Variants in TGFB3 observed in about 807,000 individuals in gnomAD.
The protein encoded by TGFB3 is transforming growth factor beta-3 proprotein.
TGFB3 carries 5 observed loss-of-function variants against 40.1 expected under a neutral mutation model. That is an observed-to-expected ratio of 0.12 (90% CI 0.07 to 0.26). The LOEUF is 0.26. TGFB3 is among the 10% of genes least tolerant of loss of function. The pLI, the probability that TGFB3 is intolerant of heterozygous loss-of-function variation, is 1.00. For synonymous variants in TGFB3, 184 were observed against 205.6 expected, an observed-to-expected ratio of 0.89 and a Z score of 0.90; for missense variants, 373 against 530.1, an observed-to-expected ratio of 0.70 and a Z score of 2.91.
chr14:75,968,642 C>G (rs2035250350), intron 3 of TGFB3, among the ~76,000 whole-genome samples: 1 of 152,176 alleles, frequency 6.6e-6, no homozygotes, highest in African/African-American at 2.4e-5. Context: ...GTCAGAATTC[C>G]CAACAGAGCT....
chr14:75,979,503 T>C lies in TGFB3; in HGVS notation c.352+1039A>G, dbSNP rs113024377. ...GTCTACGGCCCACGAGTGGCTCACA[T>C]TCCTCTTTCCTGGGCTGTCAGTTTC... is the stretch of plus-strand genomic sequence containing the variant. On this transcript the variant is annotated intron_variant, in intron 1 of 6. Coordinates refer to ENST00000238682, the MANE Select transcript of TGFB3 (RefSeq NM_003239.5). The surrounding 1 kb of genome is among the most constrained non-coding windows in gnomAD (Gnocchi z 4.8). Among the ~76,000 whole-genome samples the C allele has an allele frequency of 7.3e-4, 111 of 152,224 alleles. No individual in the cohort carries two copies. The highest frequency in any genetic ancestry group is 1.3e-3 in the Non-Finnish European group (86 of 68,002).
chr14:75,980,468 GC>G lies in TGFB3; in HGVS notation c.352+73del, dbSNP rs1280679135. 1 of 1,469,256 alleles carries G rather than the reference GC, an allele frequency of 6.8e-7. No homozygotes were observed. The allele number at this position is 1,469,256 out of a possible 1,614,324, so 91.0% of individuals were successfully genotyped here. A position where few individuals can be genotyped will look rare whatever the true frequency, so the allele number is the denominator to read the frequency against. Reference sequence around the variant, plus strand: ...CACCCTGCTGTGTGGCCAGCACTAGGCCCCCCTCTGCAGAGCTCCCAGCTCC... The same window carrying G: ...CACCCTGCTGTGTGGCCAGCACTAGGCCCCCTCTGCAGAGCTCCCAGCTCC... On this transcript the variant is annotated intron_variant, in intron 1 of 6. Transcript: ENST00000238682. The surrounding 1 kb of genome is among the most constrained non-coding windows in gnomAD (Gnocchi z 4.3).
intron 1 of TGFB3, among the ~76,000 whole-genome samples, chr14:75,974,845 C>T (rs2035334541): frequency 6.6e-6 from 1 of 151,490 alleles, no homozygotes; most frequent in Admixed American, 6.6e-5. Context: ...CCAGCCAGCA[C>T]CTTGGGAGGC....
intron 5 of TGFB3, among the ~76,000 whole-genome samples, chr14:75,961,919 A>G (rs188928942): frequency 4.9e-4 from 75 of 152,326 alleles, no homozygotes; most frequent in African/African-American, 1.7e-3. Flanking sequence ...CCCATCAGAC[A>G]AGGAGAAGTA....
intron 3 of TGFB3, among the ~76,000 whole-genome samples, chr14:75,970,356 G>A (rs1314120664): frequency 6.6e-6 from 1 of 151,912 alleles, no homozygotes; most frequent in Non-Finnish European, 1.5e-5. Context: ...TCAGGAGTTC[G>A]AGACCAGCCT....
In TGFB3 at chr14:75,971,209, C is replaced by G. The variant is rs1171935854; in HGVS notation, c.563G>C (p.Gly188Ala). The G allele has an allele frequency of 6.2e-7, 1 of 1,614,198 alleles. No homozygotes were observed. The highest frequency in any genetic ancestry group is 2.2e-5 in the East Asian group (1 of 44,884). ...EHIAKQRYIG[G>A]KNLPTRGTAE... ...AGTGCCCCGTGTGGGCAGATTCTTG[C>G]CACCGATATAGCGCTGTTTGGCAAT... Residue 188 changes from glycine to alanine, a missense_variant, in exon 3 of 7, where the codon GGC becomes GCC. Gly to Ala is a moderately conservative substitution (Grantham distance 60, BLOSUM62 0). Coordinates refer to ENST00000238682, the MANE Select transcript of TGFB3 (RefSeq NM_003239.5). The surrounding 1 kb of genome is among the most constrained non-coding windows in gnomAD (Gnocchi z 4.5).
chr14:75,960,132 CAG>C (rs1242149875), intron 6 of TGFB3: 1 of 152,024 alleles, frequency 6.6e-6, no homozygotes, highest in Non-Finnish European at 1.5e-5. Flanking sequence ...TTGGTAGAGA[CAG>C]GGTTTCACCA....
At position 75,971,066 on chromosome 14, in the gene TGFB3, C is replaced by A. The variant is rs200181092; in HGVS notation, c.646+60G>T. On this transcript the variant is annotated intron_variant, in intron 3 of 6. Coordinates refer to ENST00000238682, the MANE Select transcript of TGFB3 (RefSeq NM_003239.5). The surrounding 1 kb of genome is among the most constrained non-coding windows in gnomAD (Gnocchi z 4.5). The stretch of plus-strand genomic sequence containing the variant: ...TAATTCTGTCCTCTTCCCTCCATTT[C>A]ATGGAGGACTAAGGGACCTGAGGTT... 107 of 1,604,688 alleles carry A rather than the reference C, an allele frequency of 6.7e-5. No homozygotes were observed. The East Asian group carries it at 2.3e-3, about 35-fold the overall frequency.
Position 75,971,546 on chromosome 14 carries a change from A to G in TGFB3, c.516+9T>C, listed in dbSNP as rs2140245664. The G allele has an allele frequency of 6.2e-7, 1 of 1,614,038 alleles. No homozygotes were observed. The highest frequency in any genetic ancestry group is 8.5e-7 in the Non-Finnish European group (1 of 1,179,980). On this transcript the variant is annotated intron_variant, in intron 2 of 6. Transcript: ENST00000238682. This position sits in a 1 kb window ranked among gnomAD's most constrained non-coding sequence, Gnocchi z 4.5. Reference sequence around the variant, plus strand: ...GTCGGTGTGGTTTCTGCTCTGAGAGAGGAGTTACCTGGAAGAGCTCGATCC... The same window carrying G: ...GTCGGTGTGGTTTCTGCTCTGAGAGGGGAGTTACCTGGAAGAGCTCGATCC...
rs917254206 is a variant in TGFB3, at chr14:75,981,956, CCTCT to C, written c.-1067_-1064del. 5.3e-5 allele frequency among the ~76,000 whole-genome samples: 8 copies of C among 151,372 alleles called. No homozygotes were observed. Among genetic ancestry groups the C allele is most frequent in the African/African-American group, 1.5e-4 (6 of 41,152 alleles). On this transcript the variant is annotated 5_prime_UTR_variant, in exon 1 of 7. An upstream open reading frame in the 5' UTR gains an earlier in-frame stop. Coordinates refer to ENST00000238682, the MANE Select transcript of TGFB3 (RefSeq NM_003239.5). This position sits in a 1 kb window ranked among gnomAD's most constrained non-coding sequence, Gnocchi z 4.7. ...TCTCCCTCTCCCTCTCGCTCCTCTC[CCTCT>C]CTCTCTCACACACACACACATGCAC...
In TGFB3 at chr14:75,981,552, T is replaced by TTTTG. The variant is rs1022782490; in HGVS notation, c.-663_-660dup. On this transcript the variant is annotated 5_prime_UTR_variant, in exon 1 of 7. Transcript: ENST00000238682. The surrounding 1 kb of genome is among the most constrained non-coding windows in gnomAD (Gnocchi z 4.7). Reference sequence around the variant, plus strand: ...TCAGGCACTCCATTCATGCTTTCTCTTTTGTTTACACTTCCTCGGGGGCTT... The same window carrying TTTTG: ...TCAGGCACTCCATTCATGCTTTCTCTTTTGTTTGTTTACACTTCCTCGGGGGCTT... The TTTTG allele has an allele frequency of 3.2e-5, 5 of 156,776 alleles. No homozygotes were observed. The highest frequency in any genetic ancestry group is 4.8e-5 in the African/African-American group (2 of 41,460). 9.7% of individuals were successfully genotyped at this position (156,776 alleles called of 1,614,324 possible). A position where few individuals can be genotyped will look rare whatever the true frequency, so the allele number is the denominator to read the frequency against.
Position 75,959,305 on chromosome 14 carries a change from G to T in TGFB3, c.1121C>A (p.Ala374Asp). Residue 374 changes from alanine to aspartate, a missense_variant, in exon 7 of 7, where the codon GCC (alanine) becomes GAC (aspartate). Transcript: ENST00000238682. ...GTCCTGGGGCACGCAGCAAGGCGAG[G>T]CAGATGCTTCAGGGTTCAGAGTGTT... Reference protein sequence around the residue: ...LYNTLNPEASASPCCVPQDLE... With the variant: ...LYNTLNPEASDSPCCVPQDLE... The T allele has an allele frequency of 6.2e-7, 1 of 1,614,186 alleles. No individual in the cohort carries two copies. Among genetic ancestry groups the T allele is most frequent in the Non-Finnish European group, 8.5e-7 (1 of 1,180,026 alleles).
chr14:75,982,547 G>C (rs1594793599), upstream of TGFB3, among the ~76,000 whole-genome samples: 1 of 152,204 alleles, frequency 6.6e-6, no homozygotes, highest in Non-Finnish European at 1.5e-5. This position sits in a 1 kb window ranked among gnomAD's most constrained non-coding sequence, Gnocchi z 4.0. Context: ...GCGGGCAGAA[G>C]CCTGGAGACG....
At chr14:75,973,258 A>G (rs1394496473) in intron 1 of TGFB3, among the ~76,000 whole-genome samples, 1 of 152,266 alleles carries the variant, frequency 6.6e-6, no homozygotes, top group Non-Finnish European at 1.5e-5. Context: ...CAGACAAGGC[A>G]GGAAGGATCA....
rs1319372785 is a variant in TGFB3, at chr14:75,981,836, T to A, written c.-943A>T. 3 of 152,350 alleles carry A rather than the reference T, an allele frequency of 2.0e-5. No homozygotes were observed. Among genetic ancestry groups the A allele is most frequent in the Non-Finnish European group, 4.4e-5 (3 of 68,118 alleles). 9.4% of individuals were successfully genotyped at this position (152,350 alleles called of 1,614,324 possible). On this transcript the variant is annotated 5_prime_UTR_variant, in exon 1 of 7. The change abolishes the stop of an existing upstream ORF in the 5' untranslated region. Coordinates refer to ENST00000238682, the MANE Select transcript of TGFB3 (RefSeq NM_003239.5). This position sits in a 1 kb window ranked among gnomAD's most constrained non-coding sequence, Gnocchi z 4.7. ...CGGCACGCCTGCTCCGGAAAGCTGT[T>A]ATTCCTTCTCTCGCACGCCTCTTCC... is the stretch of plus-strand genomic sequence containing the variant.
chr14:75,969,593 A>G (rs2035262839), intron 3 of TGFB3, among the ~76,000 whole-genome samples: 1 of 152,194 alleles, frequency 6.6e-6, no homozygotes, highest in Non-Finnish European at 1.5e-5. Flanking sequence ...TGAGGCATAC[A>G]TAGAGGAGGA....
Position 75,971,849 on chromosome 14 carries a change from C to T in TGFB3, c.353-131G>A, listed in dbSNP as rs1163137942. On this transcript the variant is annotated intron_variant, in intron 1 of 6. Transcript: ENST00000238682. The surrounding 1 kb of genome is among the most constrained non-coding windows in gnomAD (Gnocchi z 4.5). The stretch of plus-strand genomic sequence containing the variant: ...CCTAGAGGCTTGAGGCCTCAGACCG[C>T]AAGGTGGAGATACGAGGAAGATTCT... The T allele has an allele frequency of 1.5e-5, 14 of 934,470 alleles. No individual in the cohort carries two copies. Among genetic ancestry groups the T allele is most frequent in the Non-Finnish European group, 2.1e-5 (13 of 604,838 alleles). 57.9% of individuals were successfully genotyped at this position (934,470 alleles called of 1,614,324 possible).
At chr14:75,963,021 C>A (rs755893573) in intron 5 of TGFB3, 13 of 512,412 alleles carry the variant, frequency 2.5e-5, no homozygotes, top group Non-Finnish European at 3.9e-5. Context: ...AGGCTTTGAC[C>A]AAGCCTCTCC....
Position 75,981,542 on chromosome 14 carries a change from A to T in TGFB3, c.-649T>A, listed in dbSNP as rs557849727. ...CACTTGTCTCTCAGGCACTCCATTC[A>T]TGCTTTCTCTTTTGTTTACACTTCC... On this transcript the variant is annotated 5_prime_UTR_variant, in exon 1 of 7. It removes an upstream start codon present in the reference 5' UTR. Coordinates refer to ENST00000238682, the MANE Select transcript of TGFB3 (RefSeq NM_003239.5). This position sits in a 1 kb window ranked among gnomAD's most constrained non-coding sequence, Gnocchi z 4.7. The T allele has an allele frequency of 6.3e-6, 1 of 157,500 alleles. No homozygotes were observed. The highest frequency in any genetic ancestry group is 1.9e-4 in the East Asian group (1 of 5,244). 9.8% of individuals were successfully genotyped at this position (157,500 alleles called of 1,614,324 possible). A position where few individuals can be genotyped will look rare whatever the true frequency, so the allele number is the denominator to read the frequency against.
Sources: allele counts gnomAD v4.1 joint callset (sites outside exome capture counted in the v4.1 genomes callset), GRCh38; gene constraint gnomAD v4.1.1; non-coding constraint Gnocchi (gnomAD v3.1); transcripts MANE v1.5; gene names NCBI Gene and HGNC (gene_info 2026-07-23, HGNC 2026-07-21).